AFG2A: variants seen among roughly 807,000 people sequenced by gnomAD.
AFG2A encodes AAA ATPase AFG2A, also known as ATPase family gene 2 protein homolog A.
At chr4:123,030,395 T>G in the AFG2A span, among the ~76,000 whole-genome samples, 9 of 152,216 alleles carry the variant, frequency 5.9e-5, no homozygotes, top group African/African-American at 2.2e-4. Context: ...AATTTCATTT[T>G]TAGTCTTTTT....
At chr4:123,259,016 A>G in the AFG2A span, among the ~76,000 whole-genome samples, 1 of 151,398 alleles carries the variant, frequency 6.6e-6, no homozygotes, top group Non-Finnish European at 1.5e-5. Flanking sequence ...ACAGGCACCC[A>G]CCACCACGCC....
At chr4:122,950,086 T>A in the AFG2A span, among the ~76,000 whole-genome samples, 71 of 152,334 alleles carry the variant, frequency 4.7e-4, 1 homozygote, top group Middle Eastern at 3.4e-3. Context: ...TCGTATCACA[T>A]CCTTGTGTTA....
the AFG2A span, among the ~76,000 whole-genome samples, chr4:123,307,093 C>A: frequency 1.3e-5 from 2 of 152,220 alleles, no homozygotes; most frequent in African/African-American, 4.8e-5. Context: ...TACATCTACT[C>A]AGCAGAGTTC....
At chr4:123,089,987 C>T in the AFG2A span, among the ~76,000 whole-genome samples, 242 of 152,148 alleles carry the variant, frequency 1.6e-3, no homozygotes, top group Non-Finnish European at 2.8e-3. Flanking sequence ...GGACTTGGTA[C>T]GTAAACCAAA....
At chr4:123,314,790 C>CT in the AFG2A span, 11 of 143,176 alleles carry the variant, frequency 7.7e-5, no homozygotes, top group Admixed American at 7.9e-4. Flanking sequence ...GAGTCTCACT[C>CT]TGTCACCTAA....
the AFG2A span, among the ~76,000 whole-genome samples, chr4:123,258,890 G>A: frequency 3.2e-5 from 4 of 126,646 alleles, no homozygotes; most frequent in Non-Finnish European, 4.8e-5. Flanking sequence ...TTTTGAGACA[G>A]AGTTTCGCCC....
the AFG2A span, among the ~76,000 whole-genome samples, chr4:122,944,115 T>G: frequency 7.2e-5 from 11 of 152,212 alleles, no homozygotes. Flanking sequence ...TTATGTGTCT[T>G]GGAATTGCTC....
the AFG2A span, among the ~76,000 whole-genome samples, chr4:122,954,538 T>TTAG: frequency 6.6e-6 from 1 of 152,212 alleles, no homozygotes; most frequent in Non-Finnish European, 1.5e-5. Flanking sequence ...TTAGGAAGAT[T>TTAG]TAGTCATATA....
chr4:122,935,044 G>A, the AFG2A span, among the ~76,000 whole-genome samples: 1 of 152,136 alleles, frequency 6.6e-6, no homozygotes, highest in Non-Finnish European at 1.5e-5. Flanking sequence ...TGACTGAAGG[G>A]ATAAACCATT....
the AFG2A span, among the ~76,000 whole-genome samples, chr4:123,159,886 G>C: frequency 1.3e-5 from 2 of 152,150 alleles, no homozygotes; most frequent in Non-Finnish European, 2.9e-5. Context: ...GTGATTAAAT[G>C]CCAGCCAAAA....
At chr4:123,291,176 C>G in the AFG2A span, among the ~76,000 whole-genome samples, 1 of 152,024 alleles carries the variant, frequency 6.6e-6, no homozygotes, top group Non-Finnish European at 1.5e-5. Flanking sequence ...TTTTTTTCAT[C>G]CCCTTACCTT....
chr4:123,159,245 G>A, the AFG2A span, among the ~76,000 whole-genome samples: 3 of 150,964 alleles, frequency 2.0e-5, no homozygotes, highest in Non-Finnish European at 3.0e-5. Context: ...GTTTTGGCAA[G>A]TTTTTAATCT....
chr4:123,156,982 A>G, the AFG2A span, among the ~76,000 whole-genome samples: 2 of 151,712 alleles, frequency 1.3e-5, no homozygotes, highest in African/African-American at 4.8e-5. Flanking sequence ...TGAGACGCAA[A>G]TTTGGCAACA....
At chr4:123,302,776 G>C in the AFG2A span, among the ~76,000 whole-genome samples, 4 of 152,102 alleles carry the variant, frequency 2.6e-5, no homozygotes, top group East Asian at 7.7e-4. Context: ...AGGCACCTAT[G>C]GGACTATAAA....
chr4:123,155,626 A>AAATAGT, the AFG2A span, among the ~76,000 whole-genome samples: 68,294 of 151,838 alleles, frequency 0.45, 17,472 homozygotes, highest in African/African-American at 0.7. Context: ...TTGTTAAAAA[A>AAATAGT]ATAACTATCT....
At chr4:122,936,225 AC>A in the AFG2A span, 1 of 1,184,366 alleles carries the variant, frequency 8.4e-7, no homozygotes, top group Middle Eastern at 2.1e-4. Flanking sequence ...AGATACTAGC[AC>A]CTTATACAAA....
chr4:123,114,396 A>T, the AFG2A span, among the ~76,000 whole-genome samples: 1 of 152,006 alleles, frequency 6.6e-6, no homozygotes, highest in Non-Finnish European at 1.5e-5. Flanking sequence ...GGCTGCTCAC[A>T]CCCGTGCCAA....
chr4:123,193,129 G>C, the AFG2A span, among the ~76,000 whole-genome samples: 1 of 152,170 alleles, frequency 6.6e-6, no homozygotes, highest in African/African-American at 2.4e-5. Context: ...GCTGAAACAT[G>C]ATTTGTCAGG....
At chr4:123,293,020 C>G in the AFG2A span, among the ~76,000 whole-genome samples, 9 of 152,172 alleles carry the variant, frequency 5.9e-5, no homozygotes, top group African/African-American at 2.2e-4. Context: ...TCCAGACCAG[C>G]ACGAAAGCAA....
Sources: allele counts gnomAD v4.1 joint callset (sites outside exome capture counted in the v4.1 genomes callset), GRCh38; gene constraint gnomAD v4.1.1; transcripts MANE v1.5; gene names NCBI Gene and HGNC (gene_info 2026-07-23, HGNC 2026-07-21).